GABRB1: variants seen among roughly 807,000 people sequenced by gnomAD.
GABRB1 encodes the protein gamma-aminobutyric acid receptor subunit beta-1.
In GABRB1, 17 loss-of-function variants were observed where a neutral mutation model predicts 51.6. That is an observed-to-expected ratio of 0.33 (90% CI 0.23 to 0.49). GABRB1 has a LOEUF of 0.49. Ranked by LOEUF, GABRB1 falls within the 20% of genes least tolerant of loss-of-function variation. The pLI is 0.99. For synonymous variants in GABRB1, 247 were observed against 218.9 expected, an observed-to-expected ratio of 1.13 and a Z score of -1.14; for missense variants, 410 against 600.6, an observed-to-expected ratio of 0.68 and a Z score of 3.32.
chr4:47,320,824 T>C (rs1176398822), intron 5 of GABRB1, among the ~76,000 whole-genome samples: 1 of 149,070 alleles, frequency 6.7e-6, no homozygotes, highest in Non-Finnish European at 1.5e-5. Flanking sequence ...GGCTGGAGTG[T>C]AGTGGCGCCA....
chr4:46,995,958 C>T (rs956463383), intron 1 of GABRB1, among the ~76,000 whole-genome samples: 4 of 151,868 alleles, frequency 2.6e-5, no homozygotes, highest in African/African-American at 4.8e-5. Context: ...TATATCTCTT[C>T]TCATTTTATT....
chr4:47,354,983 T>TTTTTTG (rs1726504548), intron 5 of GABRB1, among the ~76,000 whole-genome samples: 2 of 94,622 alleles, frequency 2.1e-5, no homozygotes, highest in Admixed American at 1.1e-4. Context: ...TTCCTTTGTT[T>TTTTTTG]TTTTTTTTTT....
intron 3 of GABRB1, among the ~76,000 whole-genome samples, chr4:47,040,137 A>G (rs1725774682): frequency 6.6e-6 from 1 of 152,204 alleles, no homozygotes; most frequent in African/African-American, 2.4e-5. Context: ...GAGAATTTGT[A>G]CTACACACTC....
intron 1 of GABRB1, among the ~76,000 whole-genome samples, chr4:47,004,314 A>G (rs750395682): frequency 2.0e-5 from 3 of 152,106 alleles, no homozygotes; most frequent in Non-Finnish European, 4.4e-5. Flanking sequence ...AACTTTCTTA[A>G]AGTTCTTTAA....
intron 3 of GABRB1, chr4:47,032,923 G>T: frequency 2.9e-6 from 1 of 346,706 alleles, no homozygotes; most frequent in Non-Finnish European, 5.8e-6. Flanking sequence ...CCGCGAGCCC[G>T]GATGCACCAA....
At chr4:47,315,458 G>A (rs1439004321) in intron 4 of GABRB1, among the ~76,000 whole-genome samples, 1 of 151,950 alleles carries the variant, frequency 6.6e-6, no homozygotes, top group African/African-American at 2.4e-5. Context: ...CAGCCATTGT[G>A]GAAAGCAGTT....
intron 4 of GABRB1, among the ~76,000 whole-genome samples, chr4:47,253,565 C>T (rs1421276579): frequency 6.6e-6 from 1 of 152,158 alleles, no homozygotes; most frequent in African/African-American, 2.4e-5. Context: ...TTGTTCCTTT[C>T]CAATGGTCTA....
At chr4:47,170,015 A>C (rs1339921408) in intron 4 of GABRB1, among the ~76,000 whole-genome samples, 1 of 152,162 alleles carries the variant, frequency 6.6e-6, no homozygotes, top group Non-Finnish European at 1.5e-5. Flanking sequence ...TTTTAAAAAA[A>C]TGTATACAAT....
chr4:47,046,044 G>C (rs1393522340), intron 3 of GABRB1, among the ~76,000 whole-genome samples: 1 of 152,036 alleles, frequency 6.6e-6, no homozygotes, highest in Non-Finnish European at 1.5e-5. Context: ...GCATGATAGT[G>C]AGTGAGTTCT....
chr4:47,395,557 C>A (rs1162713827), intron 5 of GABRB1, among the ~76,000 whole-genome samples: 1 of 152,102 alleles, frequency 6.6e-6, no homozygotes, highest in East Asian at 1.9e-4. Flanking sequence ...TCATAAAATT[C>A]TTTCTTAATA....
chr4:47,401,673 G>A (rs561272341), intron 5 of GABRB1, among the ~76,000 whole-genome samples: 80 of 152,314 alleles, frequency 5.3e-4, no homozygotes, highest in African/African-American at 1.9e-3. Context: ...AATTGGAATT[G>A]GAAAGGAAGG....
At chr4:47,106,905 C>A (rs545912684) in intron 3 of GABRB1, among the ~76,000 whole-genome samples, 1 of 152,082 alleles carries the variant, frequency 6.6e-6, no homozygotes, top group African/African-American at 2.4e-5. Flanking sequence ...TTCTGAACAG[C>A]CTTTGTTCTA....
intron 1 of GABRB1, among the ~76,000 whole-genome samples, chr4:47,010,713 G>T (rs1475104745): frequency 1.3e-5 from 2 of 152,312 alleles, no homozygotes; most frequent in Non-Finnish European, 2.9e-5. Flanking sequence ...CTCTGACCTA[G>T]TGTCATCCTG....
intron 4 of GABRB1, among the ~76,000 whole-genome samples, chr4:47,266,639 GATA>G (rs1722654037): frequency 6.6e-6 from 1 of 152,086 alleles, no homozygotes; most frequent in Non-Finnish European, 1.5e-5. Flanking sequence ...GGTCTGAAAA[GATA>G]TTCAATATGA....
At chr4:47,126,205 A>G (rs1335152719) in intron 3 of GABRB1, among the ~76,000 whole-genome samples, 1 of 152,164 alleles carries the variant, frequency 6.6e-6, no homozygotes, top group Non-Finnish European at 1.5e-5. Flanking sequence ...CAAATACTGC[A>G]TAATCTCACA....
At chr4:47,386,509 G>A (rs983969529) in intron 5 of GABRB1, among the ~76,000 whole-genome samples, 18 of 152,286 alleles carry the variant, frequency 1.2e-4, no homozygotes, top group Admixed American at 1.0e-3. Flanking sequence ...TTACTTCACT[G>A]TGTATTGGGG....
chr4:47,425,862 A>G lies in GABRB1; in HGVS notation c.1269A>G (p.Val423=), dbSNP rs746811307. The change falls in exon 9 of 9, where the codon GTA becomes GTG. Residue 423 remains valine, a synonymous_variant. Coordinates refer to ENST00000295454, the MANE Select transcript of GABRB1 (RefSeq NM_000812.4). ...AYGRALDRHG[V]PSKGRIRRRA... Reference sequence around the variant, plus strand: ...GGCGCGCCCTGGACCGGCACGGGGTACCCAGCAAGGGGCGCATCCGCAGGC... The same window carrying G: ...GGCGCGCCCTGGACCGGCACGGGGTGCCCAGCAAGGGGCGCATCCGCAGGC... 47 of 1,614,146 alleles carry G rather than the reference A, an allele frequency of 2.9e-5. No individual in the cohort carries two copies. In the East Asian group the frequency reaches 9.6e-4, roughly 33 times the overall value.
At chr4:46,997,478 T>C (rs373680753) in intron 1 of GABRB1, among the ~76,000 whole-genome samples, 5 of 151,584 alleles carry the variant, frequency 3.3e-5, no homozygotes, top group East Asian at 1.9e-4. Flanking sequence ...CTTCGTACGC[T>C]TCAAGCTGTA....
intron 4 of GABRB1, among the ~76,000 whole-genome samples, chr4:47,170,070 G>A (rs1266337179): frequency 1.3e-5 from 2 of 151,998 alleles, no homozygotes; most frequent in Non-Finnish European, 2.9e-5. Context: ...AAATTACAAA[G>A]AGAAGCCATT....
Sources: gnomAD v4.1 joint callset for allele counts (sites outside exome capture counted in the v4.1 genomes callset) on GRCh38, gnomAD v4.1.1 for gene constraint, MANE v1.5 for transcripts, NCBI Gene and HGNC (gene_info 2026-07-23, HGNC 2026-07-21) for gene names.